NSD2: variants seen among roughly 807,000 people sequenced by gnomAD.
NSD2 encodes the protein histone-lysine N-methyltransferase NSD2.
NSD2 carries 12 observed loss-of-function variants against 139.0 expected under a neutral mutation model. The ratio of observed to expected loss-of-function variants is 0.09; its 90% CI spans 0.06 to 0.14. The LOEUF is 0.14. Among genes scored for constraint, NSD2 ranks in the 10% least tolerant of loss-of-function variants. The probability of loss-of-function intolerance (pLI) is 1.00; values close to 1 mark genes in which losing one functional copy is unlikely to be tolerated. For missense variants in NSD2, 1,155 were observed against 1,745.0 expected, an observed-to-expected ratio of 0.66 and a Z score of 6.02; for synonymous variants, 669 against 648.7, an observed-to-expected ratio of 1.03 and a Z score of -0.48.
At chr4:1,941,528 G>A (rs975290305) in intron 9 of NSD2, 5 of 1,042,186 alleles carry the variant, frequency 4.8e-6, no homozygotes, top group Middle Eastern at 4.4e-4. Context: ...CATAGATGAA[G>A]CATTTTATCA....
chr4:1,969,622 G>A (rs576966744), intron 18 of NSD2, among the ~76,000 whole-genome samples: 19 of 151,886 alleles, frequency 1.3e-4, no homozygotes, highest in African/African-American at 4.1e-4. Flanking sequence ...TGGGAGTATC[G>A]CTTGAGCCCA....
intron 6 of NSD2, among the ~76,000 whole-genome samples, chr4:1,931,067 A>G (rs1397705956): frequency 6.6e-6 from 1 of 152,002 alleles, no homozygotes; most frequent in Non-Finnish European, 1.5e-5. Flanking sequence ...GTGTGAAGAG[A>G]GGACACAAGA....
In NSD2 at chr4:1,953,372, G is replaced by T; in HGVS notation, c.2186G>T (p.Arg729Leu). ...VCKESKTDVK[R>L]CVVTQCGKFY... ...AAAGAGAGCAAGACAGATGTTAAGC[G>T]CTGTGTGGTAACTCAGTGTGGAAAA... The change falls in exon 12 of 22, where the codon CGC becomes CTC. Residue 729 changes from arginine (R) to leucine (L), a missense_variant. By Grantham distance (102) the Arg-to-Leu change is moderately radical (BLOSUM62 -2). Around this residue, in one of 8 missense-constraint regions of NSD2, gnomAD observed 120 missense variants for 239.3 expected, o/e 0.50. Coordinates refer to ENST00000508803, the MANE Select transcript of NSD2 (RefSeq NM_001042424.3). 6.2e-7 allele frequency: 1 copy of T among 1,614,222 alleles called. No individual in the cohort carries two copies. The highest frequency in any genetic ancestry group is 8.5e-7 in the Non-Finnish European group (1 of 1,180,030).
intron 1 of NSD2, among the ~76,000 whole-genome samples, chr4:1,877,313 C>G (rs541715800): frequency 6.6e-6 from 1 of 152,266 alleles, no homozygotes; most frequent in Non-Finnish European, 1.5e-5. Flanking sequence ...ACTGCCTTGT[C>G]TTTCTAAAAT....
intron 1 of NSD2, among the ~76,000 whole-genome samples, chr4:1,882,991 G>C (rs1577356047): frequency 6.6e-6 from 1 of 152,264 alleles, no homozygotes; most frequent in South Asian, 2.1e-4. Context: ...AGAGCTTGGT[G>C]GTTGGCCATT....
At position 1,916,958 on chromosome 4, in the gene NSD2, C is replaced by G. The variant is rs1466344253; in HGVS notation, c.848C>G (p.Ala283Gly). 6.2e-7 allele frequency: 1 copy of G among 1,614,130 alleles called. No homozygotes were observed. The highest frequency in any genetic ancestry group is 8.5e-7 in the Non-Finnish European group (1 of 1,180,002). The change falls in exon 4 of 22, where the codon GCT becomes GGT. Residue 283 changes from alanine (A) to glycine (G), a missense_variant. Around this residue, in one of 8 missense-constraint regions of NSD2, gnomAD observed 420 missense variants for 469.0 expected, o/e 0.90. Coordinates refer to ENST00000508803, the MANE Select transcript of NSD2 (RefSeq NM_001042424.3). ...RAWIFEKSLV[A>G]FEGEGQFEKL... ...TGGATATTTGAGAAGAGCCTCGTAG[C>G]TTTTGAAGGAGAAGGACAGTTTGAA...
At chr4:1,947,512 A>G in intron 9 of NSD2, 10 of 1,056,704 alleles carry the variant, frequency 9.5e-6, no homozygotes, top group Non-Finnish European at 1.1e-5. Context: ...GTAACCTAGA[A>G]GGGTCACTTT....
intron 9 of NSD2, chr4:1,943,787 G>T: frequency 9.4e-7 from 1 of 1,061,400 alleles, no homozygotes; most frequent in Non-Finnish European, 1.1e-6. Context: ...AATGGCTCTG[G>T]TTCAATAAGC....
chr4:1,948,354 C>T lies in NSD2; in HGVS notation c.1882-2718C>T, dbSNP rs907210553. The stretch of plus-strand genomic sequence containing the variant: ...CTGAGATTTGGGACTATGTTGGGAC[C>T]GTACAGGTGAATGTGCCACCTCCAC... On this transcript the variant is annotated intron_variant, in intron 9 of 21. Coordinates refer to ENST00000508803, the MANE Select transcript of NSD2 (RefSeq NM_001042424.3). The surrounding 1 kb of genome is among the most constrained non-coding windows in gnomAD (Gnocchi z 4.5). The T allele has an allele frequency of 9.4e-6, 10 of 1,065,888 alleles. No homozygotes were observed. In the African/African-American group the frequency reaches 9.8e-5, roughly 10 times the overall value. 66.0% of individuals were successfully genotyped at this position (1,065,888 alleles called of 1,614,324 possible).
intron 3 of NSD2, among the ~76,000 whole-genome samples, chr4:1,913,399 G>C (rs1395920307): frequency 3.3e-5 from 5 of 152,244 alleles, no homozygotes; most frequent in Non-Finnish European, 5.9e-5. Context: ...CCTGACATCA[G>C]TCAAGCCCAC....
At chr4:1,923,918 C>A (rs1026732067) in intron 5 of NSD2, among the ~76,000 whole-genome samples, 21 of 152,166 alleles carry the variant, frequency 1.4e-4, no homozygotes, top group African/African-American at 5.1e-4. Flanking sequence ...GGGCCACATA[C>A]CCACAACTGA....
chr4:1,915,111 C>CTTTTTTTTTTT (rs781255847), intron 3 of NSD2, among the ~76,000 whole-genome samples: 71 of 115,560 alleles, frequency 6.1e-4, no homozygotes, highest in Non-Finnish European at 8.1e-4. Flanking sequence ...CTTTTTTTCT[C>CTTTTTTTTTTT]TTTTTTTTTT....
At chr4:1,890,711 A>G (rs1210522813) in intron 1 of NSD2, among the ~76,000 whole-genome samples, 5 of 148,174 alleles carry the variant, frequency 3.4e-5, no homozygotes, top group Admixed American at 6.7e-5. Context: ...CAGTGGTTCT[A>G]CCTCAGCCTC....
intron 1 of NSD2, among the ~76,000 whole-genome samples, chr4:1,896,738 CTCTT>C (rs1401385293): frequency 4.1e-5 from 6 of 147,888 alleles, no homozygotes; most frequent in East Asian, 2.1e-4. Context: ...CTTCCCTTCT[CTCTT>C]TCTCTTTCTT....
chr4:1,948,200 C>G lies in NSD2; in HGVS notation c.1882-2872C>G. 1 of 1,064,156 alleles carries G rather than the reference C, an allele frequency of 9.4e-7. No individual in the cohort carries two copies. The highest frequency in any genetic ancestry group is 1.1e-6 in the Non-Finnish European group (1 of 878,298). 65.9% of individuals were successfully genotyped at this position (1,064,156 alleles called of 1,614,324 possible). A position where few individuals can be genotyped will look rare whatever the true frequency, so the allele number is the denominator to read the frequency against. On this transcript the variant is annotated intron_variant, in intron 9 of 21. Coordinates refer to ENST00000508803, the MANE Select transcript of NSD2 (RefSeq NM_001042424.3). The surrounding 1 kb of genome is among the most constrained non-coding windows in gnomAD (Gnocchi z 4.5). The stretch of plus-strand genomic sequence containing the variant: ...CTAAGCTGCTCGGAGCTCAGTGCCG[C>G]AGCATGGCTGTGGTGGACGCGGGAA...
intron 15 of NSD2, among the ~76,000 whole-genome samples, 170 bp from the exon 16 acceptor site, chr4:1,957,763 C>T (rs1177735264): frequency 6.6e-6 from 1 of 152,072 alleles, no homozygotes; most frequent in Non-Finnish European, 1.5e-5. Flanking sequence ...CACACTTGGC[C>T]GCATTTAAAA....
At chr4:1,890,523 G>A (rs972909602) in intron 1 of NSD2, among the ~76,000 whole-genome samples, 2 of 151,788 alleles carry the variant, frequency 1.3e-5, no homozygotes, top group Non-Finnish European at 2.9e-5. Context: ...GGATGGTCTC[G>A]ATCTCCTGAC....
chr4:1,942,604 C>G lies in NSD2; in HGVS notation c.1881+2826C>G. The G allele has an allele frequency of 2.3e-6, 3 of 1,303,792 alleles. No homozygotes were observed. The highest frequency in any genetic ancestry group is 2.8e-4 in the Middle Eastern group (1 of 3,526). The allele number at this position is 1,303,792 out of a possible 1,614,324, so 80.8% of individuals were successfully genotyped here. A position where few individuals can be genotyped will look rare whatever the true frequency, so the allele number is the denominator to read the frequency against. ...TCAAGGCCATTTAATCCGTCACATTCATCTCATAATAGAAACACGTTCATA... is the reference window on the plus strand; with the variant it reads ...TCAAGGCCATTTAATCCGTCACATTGATCTCATAATAGAAACACGTTCATA... On this transcript the variant is annotated intron_variant, in intron 9 of 21. Coordinates refer to ENST00000508803, the MANE Select transcript of NSD2 (RefSeq NM_001042424.3). The surrounding 1 kb of genome is among the most constrained non-coding windows in gnomAD (Gnocchi z 4.0).
chr4:1,895,774 C>T (rs1716200980), intron 1 of NSD2, among the ~76,000 whole-genome samples: 1 of 152,208 alleles, frequency 6.6e-6, no homozygotes. Context: ...CATTCTAGAC[C>T]TGTTTTGACA....
Sources: allele counts gnomAD v4.1 joint callset (sites outside exome capture counted in the v4.1 genomes callset), GRCh38; gene constraint gnomAD v4.1.1; regional missense constraint gnomAD v4.1.1; non-coding constraint Gnocchi (gnomAD v3.1); transcripts MANE v1.5; gene names NCBI Gene and HGNC (gene_info 2026-07-23, HGNC 2026-07-21).